Variants in SMYD3 observed in about 807,000 individuals in gnomAD.
SMYD3 encodes the protein histone-lysine N-methyltransferase SMYD3.
A neutral mutation model predicts 57.7 loss-of-function variants in SMYD3; 36 were observed. The observed-to-expected ratio is 0.62, with a 90% CI of 0.48 to 0.82. SMYD3 has a LOEUF of 0.82. Ranked by LOEUF, SMYD3 falls within the 40% of genes least tolerant of loss-of-function variation. The pLI is 0.00. For missense variants in SMYD3, 515 were observed against 538.8 expected, an observed-to-expected ratio of 0.96 and a Z score of 0.44; for synonymous variants, 211 against 195.0, an observed-to-expected ratio of 1.08 and a Z score of -0.68.
chr1:246,300,269 T>C (rs1220379114), intron 5 of SMYD3, among the ~76,000 whole-genome samples: 2 of 152,168 alleles, frequency 1.3e-5, no homozygotes, highest in South Asian at 4.1e-4. Flanking sequence ...CCAATAAACA[T>C]TTCAAATGAG....
chr1:245,773,323 C>G (rs1363192148), intron 10 of SMYD3, among the ~76,000 whole-genome samples: 1 of 152,164 alleles, frequency 6.6e-6, no homozygotes, highest in African/African-American at 2.4e-5. Flanking sequence ...GACTAAGCAT[C>G]CAATAATGAA....
intron 10 of SMYD3, among the ~76,000 whole-genome samples, chr1:245,812,958 AGGTGAGG>A (rs2048563324): frequency 7.0e-6 from 1 of 141,860 alleles, no homozygotes; most frequent in African/African-American, 2.6e-5. Context: ...TGGGGTGAGG[AGGTGAGG>A]AGGAGAGGAA....
At chr1:246,428,173 A>G (rs2067248405) in intron 1 of SMYD3, among the ~76,000 whole-genome samples, 1 of 152,190 alleles carries the variant, frequency 6.6e-6, no homozygotes, top group Admixed American at 6.5e-5. Context: ...TGATTTGTTC[A>G]ATCCTGGAAA....
At chr1:245,805,247 A>T (rs565030899) in intron 10 of SMYD3, among the ~76,000 whole-genome samples, 1 of 152,002 alleles carries the variant, frequency 6.6e-6, no homozygotes, top group Non-Finnish European at 1.5e-5. Context: ...TCATAATCAA[A>T]TGTTGATAAT....
At chr1:246,251,200 G>A (rs934018111) in intron 5 of SMYD3, among the ~76,000 whole-genome samples, 16 of 152,196 alleles carry the variant, frequency 1.1e-4, no homozygotes, top group African/African-American at 3.9e-4. Context: ...TTGTGTTCCT[G>A]GATTTGGGTT....
intron 5 of SMYD3, among the ~76,000 whole-genome samples, chr1:246,185,868 C>A (rs1187545707): frequency 6.6e-6 from 1 of 152,158 alleles, no homozygotes; most frequent in Non-Finnish European, 1.5e-5. Flanking sequence ...TTTTTACATA[C>A]ATAACATACT....
intron 5 of SMYD3, among the ~76,000 whole-genome samples, chr1:245,983,613 C>G (rs539532066): frequency 3.9e-5 from 6 of 152,322 alleles, no homozygotes; most frequent in African/African-American, 1.2e-4. Context: ...CTGTAAATTT[C>G]TCATATTGGT....
intron 5 of SMYD3, among the ~76,000 whole-genome samples, chr1:246,104,395 G>C (rs1184973515): frequency 6.6e-6 from 1 of 152,236 alleles, no homozygotes; most frequent in African/African-American, 2.4e-5. Context: ...GTTCACCAGA[G>C]ACTGTTGTGG....
At chr1:245,928,094 C>T (rs2056498166) in intron 6 of SMYD3, 61 bp from the exon 7 acceptor site, 1 of 1,370,396 alleles carries the variant, frequency 7.3e-7, no homozygotes, top group Non-Finnish European at 1.0e-6. Flanking sequence ...CTAAATTTAA[C>T]AAATGCAGTG....
intron 5 of SMYD3, among the ~76,000 whole-genome samples, chr1:245,946,796 A>G (rs1297292803): frequency 3.9e-5 from 6 of 152,172 alleles, no homozygotes; most frequent in South Asian, 2.1e-4. Flanking sequence ...AAAGAGGAAA[A>G]ATTGTCCCTT....
chr1:246,470,720 C>CA (rs1373510350), intron 1 of SMYD3, among the ~76,000 whole-genome samples: 4 of 149,764 alleles, frequency 2.7e-5, no homozygotes, highest in South Asian at 4.2e-4. Flanking sequence ...TACATACACA[C>CA]AAAAAAAATC....
chr1:246,016,889 T>C (rs897052523), intron 5 of SMYD3, among the ~76,000 whole-genome samples: 1 of 152,098 alleles, frequency 6.6e-6, no homozygotes, highest in African/African-American at 2.4e-5. Context: ...TCCTGCCTTG[T>C]CGGTCTAATG....
At chr1:246,155,566 G>A (rs1427896456) in intron 5 of SMYD3, among the ~76,000 whole-genome samples, 2 of 152,156 alleles carry the variant, frequency 1.3e-5, no homozygotes, top group Non-Finnish European at 2.9e-5. Flanking sequence ...AAGCTGAAAA[G>A]GAAATACAAT....
At position 246,203,794 on chromosome 1, in the gene SMYD3, G is replaced by T. The variant is rs1346463734; in HGVS notation, c.531+123407C>A. ...CTCCTGGGTTTCTCACTTGCTCCTG[G>T]CTCTTCTACCTCAGTCAATAACATC... is the stretch of plus-strand genomic sequence containing the variant. On this transcript the variant is annotated intron_variant, in intron 5 of 11. Transcript: ENST00000490107. The surrounding 1 kb of genome is among the most constrained non-coding windows in gnomAD (Gnocchi z 4.6). Among the ~76,000 whole-genome samples the T allele has an allele frequency of 6.6e-6, 1 of 152,120 alleles. No homozygotes were observed.
chr1:245,851,475 T>G (rs562097652), intron 10 of SMYD3, among the ~76,000 whole-genome samples: 8 of 152,238 alleles, frequency 5.3e-5, no homozygotes, highest in African/African-American at 1.9e-4. Flanking sequence ...TTAGTCCAAA[T>G]GATATCTCTT....
At chr1:246,264,822 GACA>G (rs1384242701) in intron 5 of SMYD3, among the ~76,000 whole-genome samples, 4 of 152,206 alleles carry the variant, frequency 2.6e-5, no homozygotes, top group Non-Finnish European at 4.4e-5. Context: ...TGGGGATAGT[GACA>G]ACAATAATAA....
At chr1:245,910,245 A>C (rs953451254) in intron 8 of SMYD3, among the ~76,000 whole-genome samples, 2 of 152,184 alleles carry the variant, frequency 1.3e-5, no homozygotes, top group Non-Finnish European at 2.9e-5. Context: ...ACTAAACTTA[A>C]TAAAAGTGAG....
At chr1:246,171,566 A>G (rs2062333953) in intron 5 of SMYD3, among the ~76,000 whole-genome samples, 1 of 152,178 alleles carries the variant, frequency 6.6e-6, no homozygotes, top group African/African-American at 2.4e-5. Flanking sequence ...GAGACAGTCT[A>G]CTACACACCT....
chr1:246,315,875 A>G (rs1197961816), intron 5 of SMYD3, among the ~76,000 whole-genome samples: 1 of 152,230 alleles, frequency 6.6e-6, no homozygotes, highest in Non-Finnish European at 1.5e-5. Flanking sequence ...GCTTACCTTT[A>G]TGATATACCA....
Sources: allele counts gnomAD v4.1 joint callset (sites outside exome capture counted in the v4.1 genomes callset), GRCh38; gene constraint gnomAD v4.1.1; non-coding constraint Gnocchi (gnomAD v3.1); transcripts MANE v1.5; gene names NCBI Gene and HGNC (gene_info 2026-07-23, HGNC 2026-07-21).